Variants in TRMT11 observed in about 807,000 individuals in gnomAD.
The protein encoded by TRMT11 is tRNA (guanine(10)-N(2))-methyltransferase TRMT11.
TRMT11 carries 53 observed loss-of-function variants against 62.8 expected under a neutral mutation model. That is an observed-to-expected ratio of 0.84 (90% CI 0.68 to 1.06). TRMT11 has a LOEUF of 1.06. TRMT11 is among the 50% of genes least tolerant of loss of function. The pLI is 0.00. For synonymous variants in TRMT11, 188 were observed against 190.3 expected (o/e 0.99, Z 0.10); for missense variants, 556 against 553.4 (o/e 1.00, Z -0.05).
intron 1 of TRMT11, among the ~76,000 whole-genome samples, chr6:125,988,961 C>T (rs946831994): frequency 2.0e-5 from 3 of 152,074 alleles, no homozygotes; most frequent in Admixed American, 6.5e-5. Context: ...GGAAAGCCCC[C>T]TTCTGTGAGA....
chr6:126,037,230 A>G (rs1462256058), intron 12 of TRMT11, among the ~76,000 whole-genome samples: 1 of 152,010 alleles, frequency 6.6e-6, no homozygotes, highest in Admixed American at 6.6e-5. Flanking sequence ...GCCACTTACC[A>G]GGTGTATTAT....
At chr6:126,133,398 G>A (rs970442969) in intron 21 of TRMT11, among the ~76,000 whole-genome samples, 5 of 151,956 alleles carry the variant, frequency 3.3e-5, no homozygotes, top group Non-Finnish European at 7.4e-5. Flanking sequence ...TTCTTTTGAG[G>A]TTGATGCAGA....
At chr6:126,029,309 G>A (rs922852283) in intron 12 of TRMT11, among the ~76,000 whole-genome samples, 1 of 152,076 alleles carries the variant, frequency 6.6e-6, no homozygotes, top group African/African-American at 2.4e-5. Context: ...GAACATCCAT[G>A]TACCTGCCAC....
At chr6:126,202,983 T>A (rs1258594109), downstream of TRMT11, among the ~76,000 whole-genome samples, 1 of 152,208 alleles carries the variant, frequency 6.6e-6, no homozygotes, top group Admixed American at 6.5e-5. Context: ...AATGGTTACA[T>A]CAGCAGTTGC....
intron 9 of TRMT11, among the ~76,000 whole-genome samples, 164 bp downstream of exon 9, chr6:126,011,581 C>G (rs1794207910): frequency 6.6e-6 from 1 of 152,114 alleles, no homozygotes. Context: ...TATGAAGGTA[C>G]TTAACTACCT....
At chr6:126,181,626 G>A (rs2128241156) in intron 1 of TRMT11, among the ~76,000 whole-genome samples, 1 of 152,284 alleles carries the variant, frequency 6.6e-6, no homozygotes, top group African/African-American at 2.4e-5. Context: ...TGATTTAAAA[G>A]AAAAGGGCAC....
the TRMT11 span, among the ~76,000 whole-genome samples, chr6:126,215,564 C>A: frequency 6.6e-6 from 1 of 151,864 alleles, no homozygotes; most frequent in African/African-American, 2.4e-5. Flanking sequence ...CCTTTATTGT[C>A]AGTCTATGTG....
At chr6:126,185,994 C>G (rs1342212671) in intron 1 of TRMT11, among the ~76,000 whole-genome samples, 3 of 152,140 alleles carry the variant, frequency 2.0e-5, no homozygotes, top group African/African-American at 7.2e-5. Flanking sequence ...TATGGCAACT[C>G]TAATTCAAGA....
chr6:126,085,731 A>C (rs771445713), intron 17 of TRMT11, among the ~76,000 whole-genome samples: 3 of 152,200 alleles, frequency 2.0e-5, no homozygotes, highest in Admixed American at 6.6e-5. Flanking sequence ...TGAGGGAAGT[A>C]AACATACTCT....
intron 17 of TRMT11, among the ~76,000 whole-genome samples, chr6:126,068,078 T>C (rs564745655): frequency 4.2e-4 from 64 of 152,172 alleles, no homozygotes; most frequent in Non-Finnish European, 7.9e-4. Flanking sequence ...CCTCTTCCCA[T>C]GTGTATAGAT....
chr6:126,107,410 A>G (rs1462936063), intron 17 of TRMT11, among the ~76,000 whole-genome samples: 3 of 152,106 alleles, frequency 2.0e-5, no homozygotes, highest in African/African-American at 7.2e-5. Context: ...TACCCTGACA[A>G]GGTATGAACT....
chr6:126,123,830 C>G (rs1777677744), intron 21 of TRMT11, among the ~76,000 whole-genome samples: 1 of 152,034 alleles, frequency 6.6e-6, no homozygotes, highest in South Asian at 2.1e-4. Context: ...TGAAACTTCT[C>G]TACTGATTGA....
chr6:126,034,044 A>G (rs1774701971), intron 12 of TRMT11, among the ~76,000 whole-genome samples: 1 of 152,104 alleles, frequency 6.6e-6, no homozygotes, highest in Non-Finnish European at 1.5e-5. Flanking sequence ...TGTCCTCTAA[A>G]TGTCAAACTC....
At chr6:126,184,899 A>G (rs1363914994) in intron 1 of TRMT11, among the ~76,000 whole-genome samples, 2 of 152,214 alleles carry the variant, frequency 1.3e-5, no homozygotes, top group Non-Finnish European at 2.9e-5. Flanking sequence ...AAAAACACGA[A>G]ACAGGGACAG....
chr6:126,154,420 C>G (rs139297393), intron 21 of TRMT11, among the ~76,000 whole-genome samples: 8 of 151,928 alleles, frequency 5.3e-5, no homozygotes, highest in African/African-American at 1.9e-4. Flanking sequence ...ATAGCATGAA[C>G]CCTTGTATGG....
the TRMT11 span, among the ~76,000 whole-genome samples, chr6:126,243,712 C>T: frequency 6.6e-6 from 1 of 152,084 alleles, no homozygotes; most frequent in Non-Finnish European, 1.5e-5. Context: ...CATATTCACT[C>T]ATAGGTGGGA....
At chr6:125,991,754 A>T (rs972641993) in intron 1 of TRMT11, among the ~76,000 whole-genome samples, 13 of 152,308 alleles carry the variant, frequency 8.5e-5, no homozygotes. Flanking sequence ...AAAATGAGAG[A>T]TCAGGAATAT....
chr6:126,146,706 C>T (rs1381149092), intron 21 of TRMT11, among the ~76,000 whole-genome samples: 2 of 151,888 alleles, frequency 1.3e-5, no homozygotes, highest in Non-Finnish European at 2.9e-5. Context: ...TTAGTAGAGG[C>T]GGGGTTTCAC....
intron 21 of TRMT11, among the ~76,000 whole-genome samples, chr6:126,154,285 T>C (rs888967711): frequency 3.3e-5 from 5 of 152,014 alleles, no homozygotes; most frequent in African/African-American, 1.2e-4. Flanking sequence ...ATTTTTATGA[T>C]GGTGTTGTCC....
Sources: allele counts gnomAD v4.1 joint callset (sites outside exome capture counted in the v4.1 genomes callset), GRCh38; gene constraint gnomAD v4.1.1; transcripts MANE v1.5; gene names NCBI Gene and HGNC (gene_info 2026-07-23, HGNC 2026-07-21).